The following UBXN11 variants were observed in gnomAD, a reference collection of about 807,000 sequenced individuals.
The protein encoded by UBXN11 is UBX domain-containing protein 11.
UBXN11 carries 47 observed loss-of-function variants against 62.8 expected under a neutral mutation model. The ratio of observed to expected loss-of-function variants is 0.75; its 90% CI spans 0.59 to 0.95. UBXN11 has a LOEUF of 0.95. Among genes scored for constraint, UBXN11 ranks in the 40% least tolerant of loss-of-function variants. UBXN11 has a pLI of 0.00. For missense variants in UBXN11, 638 were observed against 661.7 expected (o/e 0.96, Z 0.39); for synonymous variants, 294 against 267.0 (o/e 1.10, Z -0.99).
chr1:26,296,375 G>A (rs768573554), intron 7 of UBXN11, among the ~76,000 whole-genome samples: 7 of 152,222 alleles, frequency 4.6e-5, no homozygotes, highest in Non-Finnish European at 1.0e-4. Context: ...CAAGGGAAGA[G>A]AGATGAGGCA....
chr1:26,289,037 TA>T (rs1475955722), intron 8 of UBXN11, among the ~76,000 whole-genome samples: 2 of 152,072 alleles, frequency 1.3e-5, no homozygotes, highest in East Asian at 3.9e-4. Flanking sequence ...ACGAGTGTAT[TA>T]AAATGAGAAG....
chr1:26,294,355 C>A, intron 7 of UBXN11, 24 bp from the exon 8 acceptor site: 1 of 1,612,230 alleles, frequency 6.2e-7, no homozygotes, highest in Non-Finnish European at 8.5e-7. Flanking sequence ...GGGGGAGATG[C>A]GGGGCACCGT....
intron 5 of UBXN11, 126 bp downstream of exon 5, chr1:26,297,836 G>C (rs4290051): frequency 9.1e-7 from 1 of 1,099,296 alleles, no homozygotes; most frequent in East Asian, 2.6e-5. Flanking sequence ...CCTGGTCCTC[G>C]AACTGGGCAG....
intron 7 of UBXN11, among the ~76,000 whole-genome samples, chr1:26,295,515 GC>G (rs1191873793): frequency 2.0e-5 from 3 of 151,974 alleles, no homozygotes; most frequent in Non-Finnish European, 2.9e-5. Context: ...ATGTGATAAG[GC>G]CCCCACGACC....
At chr1:26,283,267 G>A (rs1300187029) in intron 12 of UBXN11, among the ~76,000 whole-genome samples, 2 of 152,188 alleles carry the variant, frequency 1.3e-5, no homozygotes, top group Admixed American at 1.3e-4. Flanking sequence ...GTGACTGAAG[G>A]ATGAATGGGA....
chr1:26,295,592 G>A (rs927390838), intron 7 of UBXN11, among the ~76,000 whole-genome samples: 17 of 152,196 alleles, frequency 1.1e-4, no homozygotes, highest in African/African-American at 3.6e-4. Context: ...GTTATGTGGC[G>A]GGAAGTGGCA....
chr1:26,298,368 T>G (rs1019891666), intron 4 of UBXN11, among the ~76,000 whole-genome samples: 4 of 152,184 alleles, frequency 2.6e-5, no homozygotes, highest in African/African-American at 9.7e-5. Context: ...GCCAAGAATT[T>G]CACCCTCGAT....
intron 1 of UBXN11, 125 bp downstream of exon 1, chr1:26,306,467 C>T (rs1439854348): frequency 6.6e-6 from 1 of 152,228 alleles, no homozygotes; most frequent in Admixed American, 6.5e-5. Context: ...CGCCTCCACG[C>T]GTAGTCATGG....
chr1:26,284,049 G>C, intron 12 of UBXN11, 93 bp downstream of exon 12: 1 of 1,320,486 alleles, frequency 7.6e-7, no homozygotes, highest in Non-Finnish European at 1.0e-6. Context: ...CCTCAAGCTT[G>C]AGCCTTCTGA....
At chr1:26,283,781 T>C (rs770180320) in intron 12 of UBXN11, among the ~76,000 whole-genome samples, 9 of 151,978 alleles carry the variant, frequency 5.9e-5, no homozygotes, top group Non-Finnish European at 1.0e-4. Flanking sequence ...AGAAGCAGAA[T>C]AGGGAGCGAG....
intron 5 of UBXN11, 141 bp downstream of exon 5, chr1:26,297,821 C>A (rs2073432061): frequency 1.0e-6 from 1 of 959,776 alleles, no homozygotes; most frequent in South Asian, 1.6e-5. Context: ...CAGGCCCAGG[C>A]CACACCTGGT....
upstream of UBXN11, among the ~76,000 whole-genome samples, chr1:26,309,073 C>T (rs761561305): frequency 6.7e-6 from 1 of 149,720 alleles, no homozygotes; most frequent in Non-Finnish European, 1.5e-5. Flanking sequence ...GCTGGGACTA[C>T]AGGCACACGC....
rs201813659 is a variant in UBXN11 at position 26,294,087 on chromosome 1, G to GCGT, written c.559+115_559+117dup. On this transcript the variant is annotated intron_variant, in intron 8 of 14. Transcript: ENST00000374222. ...CAGGGGCAAGTTGTGGGCTCTCAGG[G>GCGT]CGTCTTGGGTCAGGGACCCGGGCAC... The GCGT allele has an allele frequency of 6.4e-3, 9,377 of 1,472,488 alleles. 48 individuals are homozygous for GCGT. Among genetic ancestry groups the GCGT allele is most frequent in the Non-Finnish European group, 7.4e-3 (8,188 of 1,100,036 alleles). 91.2% of individuals were successfully genotyped at this position (1,472,488 alleles called of 1,614,324 possible).
intron 2 of UBXN11, among the ~76,000 whole-genome samples, chr1:26,302,339 G>A (rs2073556895): frequency 1.5e-5 from 2 of 130,920 alleles, no homozygotes; most frequent in African/African-American, 2.9e-5. Flanking sequence ...CACAGCCTGG[G>A]CGACAGAGCG....
At chr1:26,310,620 C>T (rs6679251), upstream of UBXN11, among the ~76,000 whole-genome samples, 104,079 of 150,010 alleles carry the variant, frequency 0.69, 36,539 homozygotes, top group Non-Finnish European at 0.75. Context: ...CCCAGCTACT[C>T]GGGAGGCTAA....
chr1:26,290,162 G>A (rs553615711), intron 8 of UBXN11, among the ~76,000 whole-genome samples: 25 of 152,302 alleles, frequency 1.6e-4, no homozygotes, highest in African/African-American at 1.4e-4. Flanking sequence ...CTGGGCACAC[G>A]GGCATCACAG....
intron 1 of UBXN11, among the ~76,000 whole-genome samples, chr1:26,314,915 C>T (rs2073778144): frequency 6.6e-6 from 1 of 152,098 alleles, no homozygotes; most frequent in Non-Finnish European, 1.5e-5. Flanking sequence ...AAACTCCACC[C>T]TCCACCACCC....
At chr1:26,284,857 G>T in intron 10 of UBXN11, 1 of 1,023,928 alleles carries the variant, frequency 9.8e-7, no homozygotes. Context: ...GCCTTATCAA[G>T]GCATAGCTCC....
chr1:26,317,405 A>G (rs1409953474), intron 1 of UBXN11, among the ~76,000 whole-genome samples: 4 of 152,054 alleles, frequency 2.6e-5, no homozygotes, highest in Non-Finnish European at 4.4e-5. Flanking sequence ...ACAGAAATCC[A>G]CCAACCCTTC....
Sources: allele counts gnomAD v4.1 joint callset (sites outside exome capture counted in the v4.1 genomes callset), GRCh38; gene constraint gnomAD v4.1.1; transcripts MANE v1.5; gene names NCBI Gene and HGNC (gene_info 2026-07-23, HGNC 2026-07-21).